CCL14: variants seen among roughly 807,000 people sequenced by gnomAD.
CCL14 encodes the protein C-C motif chemokine 14.
Under a neutral mutation model 8.2 loss-of-function variants are expected in CCL14, and 8 were observed. The observed-to-expected ratio is 0.98, with a 90% CI of 0.57 to 1.76. The LOEUF (loss-of-function observed/expected upper bound fraction) is 1.76, where lower values mean the gene tolerates loss of function less well. Among genes scored for constraint, CCL14 ranks in the 40% most tolerant of loss-of-function variants. The pLI is 0.00. For missense variants in CCL14, 127 were observed against 118.3 expected, an observed-to-expected ratio of 1.07 and a Z score of -0.34; for synonymous variants, 50 against 43.2, an observed-to-expected ratio of 1.16 and a Z score of -0.62.
Position 35,984,460 on chromosome 17 carries a change from G to A in CCL14, c.80-8C>T. The A allele has an allele frequency of 6.3e-7, 1 of 1,592,732 alleles. No homozygotes were observed. The highest frequency in any genetic ancestry group is 8.6e-7 in the Non-Finnish European group (1 of 1,161,532). On this transcript the variant is annotated splice_polypyrimidine_tract_variant and splice_region_variant and intron_variant, in intron 1 of 2. Transcript: ENST00000618404. ...AGGGGTGGTAAGGTCCCCCTGAGGA[G>A]AGAGCATCAGATGCTGAGGAGGGGC... is the stretch of plus-strand genomic sequence containing the variant.
Position 35,983,725 on chromosome 17 carries a change from G to T in CCL14, c.*76C>A. ...AGGGTGACTGGGGCTGAGAGTTAGC[G>T]GTGGGTGGAGGAGGGGGCCTTGGCA... On this transcript the variant is annotated 3_prime_UTR_variant, in exon 3 of 3. Coordinates refer to ENST00000618404, the MANE Select transcript of CCL14 (RefSeq NM_032963.4). 1.0e-6 allele frequency: 1 copy of T among 982,826 alleles called. No homozygotes were observed. Among genetic ancestry groups the T allele is most frequent in the Non-Finnish European group, 1.7e-6 (1 of 605,370 alleles). The allele number at this position is 982,826 out of a possible 1,614,324, so 60.9% of individuals were successfully genotyped here.
intron 2 of CCL14, among the ~76,000 whole-genome samples, 157 bp from the exon 3 acceptor site, chr17:35,984,045 C>A (rs978697533): frequency 1.3e-5 from 2 of 152,190 alleles, no homozygotes; most frequent in Non-Finnish European, 2.9e-5. Context: ...CTGAGACATA[C>A]TCTTCGGTTC....
intron 1 of CCL14, chr17:35,985,942 T>G (rs1012122907): frequency 2.0e-5 from 13 of 653,726 alleles, no homozygotes; most frequent in Non-Finnish European, 3.1e-5. Context: ...ACCCAAGCAA[T>G]GCTGCACTCA....
chr17:35,986,431 T>C (rs1003060989), intron 1 of CCL14, 140 bp downstream of exon 1: 1 of 660,380 alleles, frequency 1.5e-6, no homozygotes. Context: ...TTATATAATG[T>C]TGCTATACAC....
At chr17:35,985,830 A>G in intron 1 of CCL14, 1 of 1,524,890 alleles carries the variant, frequency 6.6e-7, no homozygotes, top group Non-Finnish European at 8.9e-7. Context: ...GAAGAGTGAT[A>G]AATAGTTTTG....
intron 1 of CCL14, chr17:35,985,670 G>T (rs763925611): frequency 7.8e-7 from 1 of 1,276,074 alleles, no homozygotes; most frequent in Non-Finnish European, 1.1e-6. Flanking sequence ...GACCCAGTCA[G>T]AGCTCCTATA....
intron 1 of CCL14, chr17:35,984,684 C>T: frequency 3.5e-6 from 2 of 577,962 alleles, no homozygotes; most frequent in Admixed American, 3.0e-5. Flanking sequence ...TTCTTCAACC[C>T]CTCTTGGAAA....
At position 35,984,412 on chromosome 17, in the gene CCL14, A is replaced by G; in HGVS notation, c.120T>C (p.Thr40=). The change falls in exon 2 of 3, where the codon ACT becomes ACC. Residue 40 remains threonine, a synonymous_variant. Coordinates refer to ENST00000618404, the MANE Select transcript of CCL14 (RefSeq NM_032963.4). ...YHPSECCFTY[T]TYKIPRQRIM... ...TCCGCTGACGCGGGATCTTGTAGGTAGTGTAGGTGAAGCAGCACTCTGAGG... is the reference window on the plus strand; with the variant it reads ...TCCGCTGACGCGGGATCTTGTAGGTGGTGTAGGTGAAGCAGCACTCTGAGG... 1 of 1,613,370 alleles carries G rather than the reference A, an allele frequency of 6.2e-7. No homozygotes were observed. Among genetic ancestry groups the G allele is most frequent in the Admixed American group, 1.7e-5 (1 of 60,010 alleles).
chr17:35,986,570 C>T lies in CCL14; in HGVS notation c.79+1G>A, dbSNP rs755332753. On this transcript the variant is annotated splice_donor_variant, in intron 1 of 2. Coordinates refer to ENST00000618404, the MANE Select transcript of CCL14 (RefSeq NM_032963.4). LOFTEE classifies it high-confidence loss of function. ...GAAGGAAGACAAGGCATTGCACTCACGTGAGGAGGATTCAGTCTTGGTCCC... is the reference window on the plus strand; with the variant it reads ...GAAGGAAGACAAGGCATTGCACTCATGTGAGGAGGATTCAGTCTTGGTCCC... 2.7e-5 allele frequency: 43 copies of T among 1,611,912 alleles called. No homozygotes were observed. In the East Asian group the frequency reaches 3.6e-4, roughly 13 times the overall value.
At position 35,983,893 on chromosome 17, in the gene CCL14, G is replaced by C. The variant is rs1416927364; in HGVS notation, c.195-5C>G. Reference sequence around the variant, plus strand: ...TGGCCCCTTTTGGTGATGAAGCTGTGGAGCAAGAGGGAGAAGGATCACAAA... The same window carrying C: ...TGGCCCCTTTTGGTGATGAAGCTGTCGAGCAAGAGGGAGAAGGATCACAAA... On this transcript the variant is annotated splice_region_variant and splice_polypyrimidine_tract_variant and intron_variant, in intron 2 of 2. Coordinates refer to ENST00000618404, the MANE Select transcript of CCL14 (RefSeq NM_032963.4). 6.2e-6 allele frequency: 10 copies of C among 1,608,010 alleles called. No individual in the cohort carries two copies. Among genetic ancestry groups the C allele is most frequent in the Middle Eastern group, 1.7e-4 (1 of 6,016 alleles).
chr17:35,986,460 C>T, intron 1 of CCL14, 111 bp downstream of exon 1: 1 of 767,940 alleles, frequency 1.3e-6, no homozygotes, highest in Non-Finnish European at 2.3e-6. Flanking sequence ...AAGAAGATAC[C>T]AGCCCTCCTT....
intron 1 of CCL14, chr17:35,986,250 G>A (rs2089766952): frequency 1.0e-5 from 4 of 397,186 alleles, no homozygotes; most frequent in Admixed American, 4.1e-5. Context: ...AGACTAGAGG[G>A]CATTTGGGGT....
At chr17:35,986,508 C>G in intron 1 of CCL14, 63 bp downstream of exon 1, 1 of 1,375,620 alleles carries the variant, frequency 7.3e-7, no homozygotes, top group Non-Finnish European at 1.0e-6. Context: ...TGAGCCCCAA[C>G]CTCACTCCTG....
At position 35,983,460 on chromosome 17, in the gene CCL14, A is replaced by G. The variant is rs2089705221; in HGVS notation, c.*341T>C. ...ACGGGGTCTGCTACTGTTGTTGCTG[A>G]GGAGGAGACGGTCTTTACACTGCTT... On this transcript the variant is annotated 3_prime_UTR_variant, in exon 3 of 3. Coordinates refer to ENST00000618404, the MANE Select transcript of CCL14 (RefSeq NM_032963.4). 1 of 264,908 alleles carries G rather than the reference A, an allele frequency of 3.8e-6. No homozygotes were observed. The highest frequency in any genetic ancestry group is 2.2e-5 in the African/African-American group (1 of 45,770). The allele number at this position is 264,908 out of a possible 1,614,324, so 16.4% of individuals were successfully genotyped here. A position where few individuals can be genotyped will look rare whatever the true frequency, so the allele number is the denominator to read the frequency against.
chr17:35,985,573 T>C (rs368353700), intron 1 of CCL14: 2 of 613,792 alleles, frequency 3.3e-6, no homozygotes. Flanking sequence ...GATGTCTGGG[T>C]GGAAGGGTCT....
chr17:35,984,306 T>A (rs960458894), intron 2 of CCL14, 32 bp downstream of exon 2: 1 of 1,499,694 alleles, frequency 6.7e-7, no homozygotes. Flanking sequence ...TGGCTCCCTC[T>A]CCCCCCAGTG....
intron 1 of CCL14, chr17:35,985,637 C>A (rs1486013294): frequency 2.2e-6 from 2 of 889,278 alleles, no homozygotes; most frequent in Admixed American, 4.4e-5. Flanking sequence ...CAAAGAACGG[C>A]ATAAGGGGCC....
At chr17:35,984,753 A>C (rs1210211397) in intron 1 of CCL14, 10 of 503,110 alleles carry the variant, frequency 2.0e-5, no homozygotes, top group Non-Finnish European at 3.1e-5. Flanking sequence ...ATCTTCTTAC[A>C]CCATCTCTGG....
chr17:35,984,324 T>C lies in CCL14; in HGVS notation c.194+14A>G, dbSNP rs1304814475. 3.2e-6 allele frequency: 5 copies of C among 1,568,694 alleles called. No individual in the cohort carries two copies. The highest frequency in any genetic ancestry group is 4.4e-6 in the Non-Finnish European group (5 of 1,138,950). ...CTCCCTCTCCCCCCAGTGTGATGTGTGTGTACCACCTACACAATTCCGGGC... is the reference window on the plus strand; with the variant it reads ...CTCCCTCTCCCCCCAGTGTGATGTGCGTGTACCACCTACACAATTCCGGGC... On this transcript the variant is annotated intron_variant, in intron 2 of 2. Transcript: ENST00000618404.
Sources: gnomAD v4.1 joint callset for allele counts (sites outside exome capture counted in the v4.1 genomes callset) on GRCh38, gnomAD v4.1.1 for gene constraint, MANE v1.5 for transcripts, NCBI Gene and HGNC (gene_info 2026-07-23, HGNC 2026-07-21) for gene names.